The following DAB1 variants were observed in gnomAD, a reference collection of about 807,000 sequenced individuals.
The protein encoded by DAB1 is DAB adaptor protein 1, also known as disabled homolog 1.
In DAB1, 15 loss-of-function variants were observed where a neutral mutation model predicts 64.6. That is an observed-to-expected ratio of 0.23 (90% CI 0.16 to 0.36). The LOEUF (loss-of-function observed/expected upper bound fraction) is 0.36. DAB1 is among the 10% of genes least tolerant of loss of function. The probability of loss-of-function intolerance (pLI) is 1.00; values close to 1 mark genes in which losing one functional copy is unlikely to be tolerated. For missense variants in DAB1, 596 were observed against 706.7 expected (o/e 0.84, Z 1.78); for synonymous variants, 235 against 251.9 (o/e 0.93, Z 0.64).
intron 3 of DAB1, among the ~76,000 whole-genome samples, chr1:58,477,430 G>A (rs994028850): frequency 6.6e-6 from 1 of 152,072 alleles, no homozygotes; most frequent in African/African-American, 2.4e-5. Context: ...CACTTACTTC[G>A]TAAGCCCCGT....
chr1:58,537,062 T>TTC (rs150887072), intron 1 of DAB1, among the ~76,000 whole-genome samples: 24,649 of 145,782 alleles, frequency 0.17, 2,162 homozygotes, highest in Admixed American at 0.27. Flanking sequence ...ACATGCAAAA[T>TTC]TCTCTCTCTC....
chr1:57,836,546 C>A (rs1327451648), intron 1 of DAB1, among the ~76,000 whole-genome samples: 2 of 152,200 alleles, frequency 1.3e-5, no homozygotes, highest in South Asian at 2.1e-4. Flanking sequence ...ATGGAGGGAA[C>A]CAGGGGCTGA....
intron 5 of DAB1, among the ~76,000 whole-genome samples, chr1:57,922,720 C>A (rs1280749219): frequency 6.6e-6 from 1 of 151,648 alleles, no homozygotes; most frequent in Non-Finnish European, 1.5e-5. Context: ...CTGGCTGACA[C>A]CTGTAGTCCC....
At chr1:58,296,835 G>C (rs531189305) in intron 4 of DAB1, among the ~76,000 whole-genome samples, 1 of 152,198 alleles carries the variant, frequency 6.6e-6, no homozygotes, top group East Asian at 1.9e-4. Context: ...TGTTTACCTT[G>C]GGCAAATTAT....
At chr1:57,250,407 C>A (rs1346070534) in intron 2 of DAB1, among the ~76,000 whole-genome samples, 2 of 152,028 alleles carry the variant, frequency 1.3e-5, no homozygotes, top group African/African-American at 4.8e-5. Context: ...TACTGGTGTA[C>A]CTACGCGAGG....
chr1:58,439,375 C>T (rs1644982745), intron 3 of DAB1, among the ~76,000 whole-genome samples: 1 of 152,094 alleles, frequency 6.6e-6, no homozygotes, highest in African/African-American at 2.4e-5. Flanking sequence ...GTTCATCTCC[C>T]TTCAGTAAAG....
chr1:58,439,006 G>T (rs946124176), intron 3 of DAB1, among the ~76,000 whole-genome samples: 9 of 152,058 alleles, frequency 5.9e-5, no homozygotes, highest in Non-Finnish European at 1.3e-4. Context: ...CTGCGAGGGG[G>T]TGGGGGCCAG....
rs144404896 is a variant in DAB1, at chr1:58,347,601, T to C, written n.258-4198A>G. Among the ~76,000 whole-genome samples, 5 of 152,318 alleles carry C rather than the reference T, an allele frequency of 3.3e-5. No homozygotes were observed. The East Asian group carries it at 9.6e-4, about 29-fold the overall frequency. On this transcript the variant is annotated intron_variant and non_coding_transcript_variant, in intron 3 of 20. Transcript: ENST00000485760. ...GGAGGAGAACCACCTTTGTGCACAG[T>C]GCTAGGAGCTTGATATGCAGGAAAT...
chr1:58,382,052 C>A (rs1644395067), intron 3 of DAB1, among the ~76,000 whole-genome samples: 1 of 152,168 alleles, frequency 6.6e-6, no homozygotes, highest in Non-Finnish European at 1.5e-5. Context: ...TTTAGCTCTG[C>A]TTTGAGAAAC....
intron 4 of DAB1, among the ~76,000 whole-genome samples, chr1:58,223,913 T>C (rs926831260): frequency 2.0e-5 from 3 of 152,208 alleles, no homozygotes; most frequent in Non-Finnish European, 4.4e-5. Flanking sequence ...CAAATACATA[T>C]ATTTTTTCCC....
intron 6 of DAB1, among the ~76,000 whole-genome samples, chr1:57,671,092 T>A (rs1293067279): frequency 6.6e-6 from 1 of 152,092 alleles, no homozygotes; most frequent in East Asian, 1.9e-4. Flanking sequence ...TTTGTGGAAT[T>A]TTTTTTCCCC....
intron 6 of DAB1, among the ~76,000 whole-genome samples, chr1:57,690,814 C>T (rs925754359): frequency 3.3e-5 from 5 of 151,998 alleles, no homozygotes; most frequent in African/African-American, 1.2e-4. Context: ...TTTGTTATTG[C>T]CTGCATTTTG....
At chr1:57,626,165 C>A (rs1645920666) in intron 7 of DAB1, among the ~76,000 whole-genome samples, 1 of 151,940 alleles carries the variant, frequency 6.6e-6, no homozygotes, top group East Asian at 1.9e-4. Flanking sequence ...CACAAATCTG[C>A]ATTTGAGAAG....
At chr1:58,037,371 A>T (rs188809023) in intron 5 of DAB1, among the ~76,000 whole-genome samples, 1 of 152,020 alleles carries the variant, frequency 6.6e-6, no homozygotes, top group African/African-American at 2.4e-5. Context: ...GGGGTCCCCA[A>T]CCCCTGGGCT....
chr1:57,472,436 A>C (rs1687171579), intron 7 of DAB1, among the ~76,000 whole-genome samples: 1 of 152,248 alleles, frequency 6.6e-6, no homozygotes, highest in Non-Finnish European at 1.5e-5. Flanking sequence ...ACTAAAAGGC[A>C]GAAATGAAAT....
chr1:57,030,591 G>A (rs1646936109), intron 9 of DAB1, among the ~76,000 whole-genome samples: 1 of 152,184 alleles, frequency 6.6e-6, no homozygotes, highest in Non-Finnish European at 1.5e-5. Flanking sequence ...GCAAGGTTGT[G>A]GTGGGAATTT....
chr1:57,966,501 C>T (rs1645669332), intron 5 of DAB1, among the ~76,000 whole-genome samples: 1 of 152,140 alleles, frequency 6.6e-6, no homozygotes, highest in Non-Finnish European at 1.5e-5. Flanking sequence ...TTGGACTTTT[C>T]ACCTCAGCTC....
chr1:58,017,452 GT>G (rs1646757252), intron 5 of DAB1, among the ~76,000 whole-genome samples: 1 of 152,122 alleles, frequency 6.6e-6, no homozygotes, highest in South Asian at 2.1e-4. Flanking sequence ...ATCATGCATG[GT>G]CAGGTAAATA....
At chr1:57,203,861 C>T (rs1665312226) in intron 2 of DAB1, among the ~76,000 whole-genome samples, 1 of 152,086 alleles carries the variant, frequency 6.6e-6, no homozygotes, top group Non-Finnish European at 1.5e-5. Flanking sequence ...TGTGGCTCAA[C>T]CTCTTCTTAG....
Sources: gnomAD v4.1 joint callset for allele counts (sites outside exome capture counted in the v4.1 genomes callset) on GRCh38, gnomAD v4.1.1 for gene constraint, MANE v1.5 for transcripts, NCBI Gene and HGNC (gene_info 2026-07-23, HGNC 2026-07-21) for gene names.